DCAF8L2: variants seen among roughly 807,000 people sequenced by gnomAD.
DCAF8L2 encodes the protein DDB1 and CUL4 associated factor 8 like 2, also known as DDB1- and CUL4-associated factor 8-like protein 2.
For missense variants in DCAF8L2, 430 were observed against 490.7 expected (o/e 0.88, Z 1.17); for synonymous variants, 200 against 190.9 (o/e 1.05, Z -0.39).
chrX:27,529,831 A>G, the DCAF8L2 span, among the ~76,000 whole-genome samples: 1 of 112,099 alleles, frequency 8.9e-6, no homozygotes, highest in Non-Finnish European at 1.9e-5. Context: ...AACTCCCTTC[A>G]GCTAAACAAA....
At chrX:27,739,144 C>A (rs1490211909) in intron 4 of DCAF8L2, among the ~76,000 whole-genome samples, 1 of 111,337 alleles carries the variant, frequency 9.0e-6, no homozygotes, top group Admixed American at 9.6e-5. Context: ...TTTGTTGTCA[C>A]TCTAATTCTC....
the DCAF8L2 span, among the ~76,000 whole-genome samples, chrX:27,508,886 C>A: frequency 1.8e-5 from 2 of 109,753 alleles, no homozygotes; most frequent in African/African-American, 6.6e-5. Context: ...ACCACTTTGA[C>A]AATGAAGTGT....
At chrX:27,627,520 GTTGA>G (rs1202053329) in intron 1 of DCAF8L2, 2 of 93,594 alleles carry the variant, frequency 2.1e-5, no homozygotes, top group Non-Finnish European at 2.1e-5. Flanking sequence ...TGTTTCATTG[GTTGA>G]TTGTTGTTTT....
chrX:27,522,075 T>C, the DCAF8L2 span, among the ~76,000 whole-genome samples: 4 of 112,662 alleles, frequency 3.6e-5, no homozygotes, highest in Non-Finnish European at 7.5e-5. Flanking sequence ...TTGCCCAGGC[T>C]GAAGTGCAGT....
chrX:27,729,612 G>A (rs1256250986), intron 4 of DCAF8L2, among the ~76,000 whole-genome samples: 1 of 111,911 alleles, frequency 8.9e-6, no homozygotes, highest in East Asian at 2.8e-4. Context: ...TGTCTGGTAA[G>A]GCCTGCTTTT....
the DCAF8L2 span, chrX:27,519,846 G>T: frequency 3.0e-6 from 1 of 331,652 alleles, no homozygotes; most frequent in African/African-American, 2.7e-5. Context: ...AAAAAATAAT[G>T]AAAAAGGATG....
intron 4 of DCAF8L2, among the ~76,000 whole-genome samples, chrX:27,728,492 G>A (rs1294175956): frequency 1.8e-5 from 2 of 111,095 alleles, no homozygotes; most frequent in Non-Finnish European, 3.8e-5. Context: ...TTAAGGGAAA[G>A]CCTTAACCCT....
intron 2 of DCAF8L2, among the ~76,000 whole-genome samples, chrX:27,640,219 G>A (rs1436933995): frequency 2.7e-5 from 3 of 111,784 alleles, no homozygotes; most frequent in African/African-American, 9.8e-5. Flanking sequence ...ATTGAACAAT[G>A]AGAACACTTG....
At chrX:27,567,112 ATCT>A in the DCAF8L2 span, among the ~76,000 whole-genome samples, 1 of 111,039 alleles carries the variant, frequency 9.0e-6, no homozygotes, top group African/African-American at 3.3e-5. Flanking sequence ...ATGATTTTTG[ATCT>A]TCTTAAATCT....
At chrX:27,612,649 C>G (rs1927246311) in intron 1 of DCAF8L2, among the ~76,000 whole-genome samples, 1 of 112,012 alleles carries the variant, frequency 8.9e-6, no homozygotes, top group Non-Finnish European at 1.9e-5. Flanking sequence ...GATCCAGTTT[C>G]AGCTTTCTAC....
At chrX:27,651,505 C>CTTTTTTTT (rs1170253991) in intron 2 of DCAF8L2, among the ~76,000 whole-genome samples, 2 of 88,217 alleles carry the variant, frequency 2.3e-5, no homozygotes, top group Admixed American at 1.3e-4. Flanking sequence ...AGTAGATAAC[C>CTTTTTTTT]TTTTTTTTTT....
intron 3 of DCAF8L2, among the ~76,000 whole-genome samples, chrX:27,693,714 G>A (rs772359096): frequency 9.0e-6 from 1 of 111,593 alleles, no homozygotes; most frequent in Non-Finnish European, 1.9e-5. Flanking sequence ...AAAAATAACA[G>A]ATACTGGCAA....
intron 1 of DCAF8L2, among the ~76,000 whole-genome samples, chrX:27,607,932 T>C (rs1926981805): frequency 8.9e-6 from 1 of 111,759 alleles, no homozygotes; most frequent in African/African-American, 3.2e-5. Flanking sequence ...TGGAAAAAAG[T>C]GTTAGAAATT....
At chrX:27,490,749 T>G in the DCAF8L2 span, among the ~76,000 whole-genome samples, 1 of 111,588 alleles carries the variant, frequency 9.0e-6, no homozygotes, top group South Asian at 3.7e-4. Flanking sequence ...TGTGAGCCAC[T>G]GCACCCAGCC....
chrX:27,573,545 A>G, the DCAF8L2 span, among the ~76,000 whole-genome samples: 1 of 111,490 alleles, frequency 9.0e-6, no homozygotes, highest in African/African-American at 3.3e-5. Flanking sequence ...AAAGTCATCA[A>G]GAGCAGATCA....
chrX:27,681,917 C>G (rs1930341895), intron 3 of DCAF8L2, among the ~76,000 whole-genome samples: 1 of 111,760 alleles, frequency 8.9e-6, no homozygotes, highest in Non-Finnish European at 1.9e-5. Context: ...TATTTGTGGT[C>G]ATAGAATATC....
the DCAF8L2 span, chrX:27,518,910 CA>C: frequency 1.6e-5 from 9 of 562,265 alleles, no homozygotes; most frequent in Admixed American, 4.9e-5. Context: ...CATTTAATGA[CA>C]AAAAAATTGC....
At chrX:27,506,862 T>TTGC in the DCAF8L2 span, among the ~76,000 whole-genome samples, 1 of 111,357 alleles carries the variant, frequency 9.0e-6, no homozygotes, top group Non-Finnish European at 1.9e-5. Flanking sequence ...TTATCTTAAC[T>TTGC]TGATTACATC....
At chrX:27,503,017 T>A in the DCAF8L2 span, among the ~76,000 whole-genome samples, 24,491 of 110,827 alleles carry the variant, frequency 0.22, 2,511 homozygotes, top group African/African-American at 0.39. Context: ...AAGAAGAGGG[T>A]TGTGCTCATA....
Sources: gnomAD v4.1 joint callset for allele counts (sites outside exome capture counted in the v4.1 genomes callset) on GRCh38, gnomAD v4.1.1 for gene constraint, MANE v1.5 for transcripts, NCBI Gene and HGNC (gene_info 2026-07-23, HGNC 2026-07-21) for gene names.